GALNT13: variants seen among roughly 807,000 people sequenced by gnomAD.
GALNT13 encodes the protein polypeptide N-acetylgalactosaminyltransferase 13, also known as UDP-GalNAc:polypeptide N-acetylgalactosaminyltransferase 13.
Under a neutral mutation model 64.2 loss-of-function variants are expected in GALNT13, and 28 were observed. That is an observed-to-expected ratio of 0.44 (90% confidence interval 0.32 to 0.60). GALNT13 has a LOEUF of 0.60. Ranked by LOEUF, GALNT13 falls within the 20% of genes least tolerant of loss-of-function variation. The probability of loss-of-function intolerance (pLI) is 0.05; values close to 1 mark genes in which losing one functional copy is unlikely to be tolerated. For synonymous variants in GALNT13, 214 were observed against 224.6 expected (o/e 0.95, Z 0.42); for missense variants, 577 against 669.8 (o/e 0.86, Z 1.53).
intron 2 of GALNT13, among the ~76,000 whole-genome samples, chr2:153,911,431 T>C (rs2105316271): frequency 6.6e-6 from 1 of 152,292 alleles, no homozygotes; most frequent in East Asian, 1.9e-4. Flanking sequence ...TTGATATGTG[T>C]GGATTTGACC....
intron 3 of GALNT13, among the ~76,000 whole-genome samples, chr2:153,989,771 G>A (rs1223426244): frequency 2.0e-5 from 3 of 151,928 alleles, no homozygotes; most frequent in Non-Finnish European, 4.4e-5. Context: ...GGATTTAGTT[G>A]GAAATGCTAG....
the GALNT13 span, among the ~76,000 whole-genome samples, chr2:153,329,816 AT>A: frequency 6.6e-4 from 101 of 152,254 alleles, no homozygotes; most frequent in African/African-American, 2.4e-3. Flanking sequence ...TTTTGTTGCA[AT>A]TGCTTTTGAG....
At chr2:153,822,424 C>T in the GALNT13 span, among the ~76,000 whole-genome samples, 9 of 151,914 alleles carry the variant, frequency 5.9e-5, no homozygotes, top group East Asian at 9.7e-4. Context: ...GGGTTAGTTC[C>T]ACATATACAA....
chr2:153,933,882 T>C (rs1285337292), intron 2 of GALNT13, among the ~76,000 whole-genome samples: 2 of 152,184 alleles, frequency 1.3e-5, no homozygotes, highest in African/African-American at 2.4e-5. Flanking sequence ...AAATTCTTAG[T>C]TGGACTTTCT....
chr2:153,336,040 G>T, the GALNT13 span, among the ~76,000 whole-genome samples: 1 of 152,206 alleles, frequency 6.6e-6, no homozygotes, highest in Admixed American at 6.5e-5. Context: ...TGAGCCTGCA[G>T]ATGGACAGAC....
chr2:153,996,391 CTTA>C (rs1435797515), intron 3 of GALNT13, among the ~76,000 whole-genome samples: 1 of 151,978 alleles, frequency 6.6e-6, no homozygotes, highest in East Asian at 1.9e-4. Context: ...AAGGTGATAT[CTTA>C]TTATGGTTTT....
chr2:154,296,375 G>C (rs1430536833), intron 8 of GALNT13, among the ~76,000 whole-genome samples: 1 of 152,112 alleles, frequency 6.6e-6, no homozygotes, highest in Non-Finnish European at 1.5e-5. Flanking sequence ...CTAATTTGCT[G>C]TACAACTGTC....
At chr2:153,216,139 GT>G in the GALNT13 span, among the ~76,000 whole-genome samples, 1 of 151,904 alleles carries the variant, frequency 6.6e-6, no homozygotes, top group Non-Finnish European at 1.5e-5. Context: ...CACCAATATT[GT>G]TGTGTGAATC....
intron 7 of GALNT13, among the ~76,000 whole-genome samples, chr2:154,254,492 G>A (rs1053018914): frequency 2.6e-5 from 4 of 151,986 alleles, no homozygotes; most frequent in Non-Finnish European, 4.4e-5. Context: ...CAGCATCTAG[G>A]CATCTTAGCA....
the GALNT13 span, among the ~76,000 whole-genome samples, chr2:153,104,888 T>A: frequency 2.0e-5 from 3 of 152,006 alleles, no homozygotes; most frequent in East Asian, 3.9e-4. Context: ...TTTCTTTTTT[T>A]TATTATTATT....
At chr2:154,252,541 A>G (rs1690129918) in intron 7 of GALNT13, among the ~76,000 whole-genome samples, 1 of 151,706 alleles carries the variant, frequency 6.6e-6, no homozygotes, top group African/African-American at 2.4e-5. Flanking sequence ...TATTTTTAAT[A>G]GAGACTGGGT....
chr2:154,456,139 T>C (rs1381787449), downstream of GALNT13, among the ~76,000 whole-genome samples: 2 of 45,090 alleles, frequency 4.4e-5, no homozygotes, highest in Admixed American at 3.8e-4. Context: ...TGATTACATG[T>C]CTTTTTTTGT....
chr2:153,511,411 G>A, the GALNT13 span, among the ~76,000 whole-genome samples: 1 of 151,982 alleles, frequency 6.6e-6, no homozygotes, highest in Non-Finnish European at 1.5e-5. Flanking sequence ...CGAGCATGGG[G>A]GTATAGATTC....
chr2:153,513,746 C>G, the GALNT13 span, among the ~76,000 whole-genome samples: 1 of 152,132 alleles, frequency 6.6e-6, no homozygotes, highest in African/African-American at 2.4e-5. Context: ...ACCAAGGAGG[C>G]ACAGGAAAGC....
chr2:153,098,620 A>G, the GALNT13 span, among the ~76,000 whole-genome samples: 1 of 152,218 alleles, frequency 6.6e-6, no homozygotes, highest in Non-Finnish European at 1.5e-5. Context: ...ATTGTTGCAT[A>G]TGGCTGTATT....
intron 3 of GALNT13, among the ~76,000 whole-genome samples, chr2:154,075,368 T>C (rs1700933761): frequency 6.6e-6 from 1 of 151,814 alleles, no homozygotes; most frequent in Admixed American, 6.6e-5. Context: ...TCTTTAGGTT[T>C]CGAGATAACA....
the GALNT13 span, among the ~76,000 whole-genome samples, chr2:153,556,933 C>G: frequency 6.6e-6 from 1 of 152,122 alleles, no homozygotes; most frequent in East Asian, 1.9e-4. Flanking sequence ...TATCTGCCCA[C>G]CTAACATTTC....
intron 3 of GALNT13, among the ~76,000 whole-genome samples, chr2:154,091,912 T>C (rs1701828841): frequency 1.3e-5 from 2 of 151,778 alleles, no homozygotes. Flanking sequence ...AAATAGATCA[T>C]TTAAATTACA....
chr2:154,046,910 T>G (rs1699319032), intron 3 of GALNT13, among the ~76,000 whole-genome samples: 1 of 146,806 alleles, frequency 6.8e-6, no homozygotes, highest in East Asian at 2.1e-4. Flanking sequence ...CAAAATATAT[T>G]TCTGTTGTTT....
Sources: gnomAD v4.1 joint callset for allele counts (sites outside exome capture counted in the v4.1 genomes callset) on GRCh38, gnomAD v4.1.1 for gene constraint, MANE v1.5 for transcripts, NCBI Gene and HGNC (gene_info 2026-07-23, HGNC 2026-07-21) for gene names.